CACNB2: variants seen among roughly 807,000 people sequenced by gnomAD.
CACNB2 encodes the protein voltage-dependent L-type calcium channel subunit beta-2.
A neutral mutation model predicts 73.3 loss-of-function variants in CACNB2; 42 were observed. The ratio of observed to expected loss-of-function variants is 0.57; its 90% CI spans 0.45 to 0.74. The LOEUF (loss-of-function observed/expected upper bound fraction) is 0.74. Ranked by LOEUF, CACNB2 falls within the 30% of genes least tolerant of loss-of-function variation. The pLI is 0.00. For synonymous variants in CACNB2, 348 were observed against 310.3 expected (o/e 1.12, Z -1.28); for missense variants, 940 against 853.0 (o/e 1.10, Z -1.27).
chr10:18,514,394 T>C (rs1413895205), intron 7 of CACNB2, 25 bp downstream of exon 7: 17 of 1,613,978 alleles, frequency 1.1e-5, no homozygotes, highest in Non-Finnish European at 1.4e-5. Flanking sequence ...CAAGCTCCCA[T>C]TGTCCACCTG....
chr10:18,328,507 C>A (rs1460724390), intron 2 of CACNB2, among the ~76,000 whole-genome samples: 1 of 152,124 alleles, frequency 6.6e-6, no homozygotes, highest in East Asian at 1.9e-4. Flanking sequence ...ATAAGTATAA[C>A]CACTATTATA....
At chr10:18,340,607 G>A (rs2041191352) in intron 2 of CACNB2, 10 of 1,082,418 alleles carry the variant, frequency 9.2e-6, no homozygotes, top group Non-Finnish European at 1.2e-5. Context: ...ACTTTGACAA[G>A]TTTGCAGGCG....
At chr10:18,498,268 A>T in intron 3 of CACNB2, 87 bp from the exon 4 acceptor site, 1 of 1,489,482 alleles carries the variant, frequency 6.7e-7, no homozygotes, top group Non-Finnish European at 9.3e-7. Context: ...TACAGTAGTT[A>T]TTCAGTATGT....
intron 2 of CACNB2, among the ~76,000 whole-genome samples, chr10:18,337,347 C>T (rs770813142): frequency 6.6e-6 from 1 of 152,150 alleles, no homozygotes. Flanking sequence ...AGTGATCCGT[C>T]CATCTCAGCC....
intron 1 of CACNB2, among the ~76,000 whole-genome samples, chr10:18,144,469 T>C (rs901020856): frequency 1.3e-5 from 2 of 152,350 alleles, no homozygotes; most frequent in East Asian, 1.9e-4. Context: ...GCATTGCTTT[T>C]TAGGTAACCT....
At chr10:18,149,083 A>G (rs1414732582) in intron 1 of CACNB2, among the ~76,000 whole-genome samples, 1 of 152,074 alleles carries the variant, frequency 6.6e-6, no homozygotes, top group Admixed American at 6.6e-5. Context: ...ATGAGGATAA[A>G]CGGTGAATTT....
chr10:18,173,950 A>C (rs1461633156), intron 2 of CACNB2, among the ~76,000 whole-genome samples: 1 of 152,186 alleles, frequency 6.6e-6, no homozygotes, highest in African/African-American at 2.4e-5. Flanking sequence ...TGAGTCTCAG[A>C]TGGCCTTTAT....
At chr10:18,492,537 C>T (rs2049500872) in intron 3 of CACNB2, among the ~76,000 whole-genome samples, 1 of 143,126 alleles carries the variant, frequency 7.0e-6, no homozygotes, top group African/African-American at 2.6e-5. Context: ...AAGAGAATCA[C>T]TTGAACCCGG....
chr10:18,472,367 G>C (rs2048237975), intron 3 of CACNB2, among the ~76,000 whole-genome samples: 1 of 151,614 alleles, frequency 6.6e-6, no homozygotes, highest in Admixed American at 6.6e-5. Flanking sequence ...CTCTCGAGTA[G>C]CTGGGACTAC....
intron 3 of CACNB2, among the ~76,000 whole-genome samples, chr10:18,413,593 C>T (rs1160226126): frequency 2.0e-5 from 3 of 152,244 alleles, no homozygotes; most frequent in East Asian, 1.9e-4. Context: ...AAACCTTCGT[C>T]GAAGGGTCAA....
intron 2 of CACNB2, among the ~76,000 whole-genome samples, chr10:18,336,012 A>G (rs1218425066): frequency 6.6e-6 from 1 of 152,186 alleles, no homozygotes; most frequent in African/African-American, 2.4e-5. Context: ...TTATAAATTA[A>G]AGTGGGCTGG....
At chr10:18,366,547 C>T (rs1011523366) in intron 2 of CACNB2, among the ~76,000 whole-genome samples, 9 of 150,304 alleles carry the variant, frequency 6.0e-5, no homozygotes, top group African/African-American at 1.2e-4. Context: ...TATAGTCCAT[C>T]GAAGACTGAT....
chr10:18,488,474 C>CAAAA (rs59931967), intron 3 of CACNB2, among the ~76,000 whole-genome samples: 61 of 67,942 alleles, frequency 9.0e-4, no homozygotes, highest in East Asian at 1.5e-3. Context: ...GACTCCATCT[C>CAAAA]AAAAAAAAAA....
At chr10:18,501,263 C>T (rs149708351) in intron 5 of CACNB2, among the ~76,000 whole-genome samples, 87 of 152,298 alleles carry the variant, frequency 5.7e-4, no homozygotes, top group African/African-American at 1.6e-3. Flanking sequence ...TAGTCTGGCA[C>T]ATCATAGCCC....
chr10:18,154,174 A>G (rs2031841496), intron 2 of CACNB2, among the ~76,000 whole-genome samples: 1 of 152,128 alleles, frequency 6.6e-6, no homozygotes, highest in African/African-American at 2.4e-5. Flanking sequence ...AAATTTAAAA[A>G]GTAAAATATT....
At chr10:18,424,136 G>A (rs531316542) in intron 3 of CACNB2, among the ~76,000 whole-genome samples, 7 of 152,112 alleles carry the variant, frequency 4.6e-5, no homozygotes, top group Non-Finnish European at 1.0e-4. Context: ...AGGCTACCCT[G>A]ATTCAGAGCA....
chr10:18,518,222 A>C, intron 7 of CACNB2, 114 bp from the exon 8 acceptor site: 1 of 789,106 alleles, frequency 1.3e-6, no homozygotes. Context: ...GGAAAATAAA[A>C]TGTCTGGAAA....
chr10:18,386,989 C>G (rs1247860560), intron 2 of CACNB2, among the ~76,000 whole-genome samples: 1 of 152,194 alleles, frequency 6.6e-6, no homozygotes, highest in Non-Finnish European at 1.5e-5. Context: ...ATTTAATTCC[C>G]TTCATAATTA....
intron 2 of CACNB2, among the ~76,000 whole-genome samples, chr10:18,300,954 A>T (rs980657139): frequency 1.3e-5 from 2 of 152,240 alleles, no homozygotes; most frequent in African/African-American, 4.8e-5. Flanking sequence ...AAAGAAAGAT[A>T]GGATTTCCTA....
Sources: allele counts gnomAD v4.1 joint callset (sites outside exome capture counted in the v4.1 genomes callset), GRCh38; gene constraint gnomAD v4.1.1; transcripts MANE v1.5; gene names NCBI Gene and HGNC (gene_info 2026-07-23, HGNC 2026-07-21).